RABGEF1: variants seen among roughly 807,000 people sequenced by gnomAD.
RABGEF1 encodes rab5 GDP/GTP exchange factor.
In RABGEF1, 26 loss-of-function variants were observed where a neutral mutation model predicts 57.3. The ratio of observed to expected loss-of-function variants is 0.45; its 90% CI spans 0.33 to 0.63. The LOEUF (loss-of-function observed/expected upper bound fraction) is 0.63. RABGEF1 is among the 20% of genes least tolerant of loss of function. The pLI, the probability that RABGEF1 is intolerant of heterozygous loss-of-function variation, is 0.02. For synonymous variants in RABGEF1, 185 were observed against 210.7 expected (o/e 0.88, Z 1.06); for missense variants, 464 against 607.6 (o/e 0.76, Z 2.48).
At chr7:66,762,111 A>C (rs1804545351) in intron 1 of RABGEF1, among the ~76,000 whole-genome samples, 1 of 152,044 alleles carries the variant, frequency 6.6e-6, no homozygotes, top group Non-Finnish European at 1.5e-5. Context: ...GGGCTATGGT[A>C]GTTACCAGCC....
chr7:66,710,502 C>T (rs1562722892), intron 1 of RABGEF1, among the ~76,000 whole-genome samples: 1 of 152,218 alleles, frequency 6.6e-6, no homozygotes, highest in East Asian at 1.9e-4. Flanking sequence ...CTCCCTCTAG[C>T]ATTGTATGAG....
intron 2 of RABGEF1, among the ~76,000 whole-genome samples, chr7:66,730,473 C>T (rs192800187): frequency 2.6e-5 from 4 of 152,054 alleles, no homozygotes; most frequent in African/African-American, 7.2e-5. Context: ...CTCACTGCAG[C>T]GTCAACCTCC....
chr7:66,779,533 A>G (rs539969107), intron 3 of RABGEF1, among the ~76,000 whole-genome samples: 1 of 151,992 alleles, frequency 6.6e-6, no homozygotes, highest in African/African-American at 2.4e-5. Context: ...TTAAAAAATT[A>G]GCTGGGCTAG....
At chr7:66,660,810 A>G in the RABGEF1 span, among the ~76,000 whole-genome samples, 2 of 152,248 alleles carry the variant, frequency 1.3e-5, no homozygotes, top group Non-Finnish European at 2.9e-5. Flanking sequence ...AGAGGAGGAA[A>G]TACTTTCTAA....
At chr7:66,741,142 C>T (rs970040436) in intron 1 of RABGEF1, among the ~76,000 whole-genome samples, 1 of 152,180 alleles carries the variant, frequency 6.6e-6, no homozygotes, top group Non-Finnish European at 1.5e-5. Context: ...CCGGCTCCCA[C>T]CTTCCGTCCA....
At chr7:66,736,926 A>G (rs546678405), upstream of RABGEF1, among the ~76,000 whole-genome samples, 58 of 152,270 alleles carry the variant, frequency 3.8e-4, no homozygotes, top group African/African-American at 1.4e-3. Flanking sequence ...ACAGACACCT[A>G]CGTATACAGA....
the RABGEF1 span, among the ~76,000 whole-genome samples, chr7:66,676,070 C>T: frequency 6.6e-6 from 1 of 152,108 alleles, no homozygotes; most frequent in African/African-American, 2.4e-5. Context: ...CCTCTAATCC[C>T]AGCACTTTGG....
chr7:66,702,641 A>G (rs1259251611), intron 1 of RABGEF1, among the ~76,000 whole-genome samples: 2 of 152,060 alleles, frequency 1.3e-5, no homozygotes, highest in East Asian at 1.9e-4. Flanking sequence ...AACAAAATTT[A>G]TCTTTCATTT....
Position 66,809,188 on chromosome 7 carries a change from T to A in RABGEF1, c.1380T>A (p.Ile460=). ...QDIVEKYPLE[I]KPPNQPLAAI... is the part of the protein sequence containing the mutation. ...TCGTTGAGAAATACCCACTGGAAAT[T>A]AAGCCTCCGAATCAACCGTTAGCAG... Residue 460 remains isoleucine, a synonymous_variant, in exon 9 of 9, where the codon ATT becomes ATA. Coordinates refer to ENST00000284957, the MANE Select transcript of RABGEF1 (RefSeq NM_014504.3). 1 of 1,614,222 alleles carries A rather than the reference T, an allele frequency of 6.2e-7. No homozygotes were observed. The highest frequency in any genetic ancestry group is 1.6e-4 in the Middle Eastern group (1 of 6,062).
At position 66,809,500 on chromosome 7, in the gene RABGEF1, G is replaced by T; in HGVS notation, c.*216G>T. The T allele has an allele frequency of 2.3e-6, 1 of 441,836 alleles. No individual in the cohort carries two copies. Among genetic ancestry groups the T allele is most frequent in the Non-Finnish European group, 3.8e-6 (1 of 262,408 alleles). The allele number at this position is 441,836 out of a possible 1,614,324, so 27.4% of individuals were successfully genotyped here. A position where few individuals can be genotyped will look rare whatever the true frequency, so the allele number is the denominator to read the frequency against. ...GAGTTACTGATACAGATTCATTTAA[G>T]GCTTGTGTGCAAATTTTGTCTCAAT... On this transcript the variant is annotated 3_prime_UTR_variant, in exon 9 of 9. Coordinates refer to ENST00000284957, the MANE Select transcript of RABGEF1 (RefSeq NM_014504.3).
Position 66,781,690 on chromosome 7 carries a change from C to A in RABGEF1, c.347-1985C>A, listed in dbSNP as rs1241583538. Among the ~76,000 whole-genome samples the A allele has an allele frequency of 3.3e-5, 5 of 152,316 alleles. No individual in the cohort carries two copies. The East Asian group carries it at 7.7e-4, about 24-fold the overall frequency. ...GGTAGTCAGCCACACTCAAGGGAAC[C>A]CTCTGCAGATACCTGCAGCTTTTTC... is the stretch of plus-strand genomic sequence containing the variant. On this transcript the variant is annotated intron_variant, in intron 3 of 8. Transcript: ENST00000284957.
chr7:66,687,472 G>T (rs1442976851), intron 1 of RABGEF1, among the ~76,000 whole-genome samples: 1 of 130,998 alleles, frequency 7.6e-6, no homozygotes, highest in Non-Finnish European at 1.6e-5. Flanking sequence ...GTAAATTTCT[G>T]TTGTTTAAGC....
chr7:66,805,126 T>C lies in RABGEF1; in HGVS notation c.821-14T>C, dbSNP rs747335736. On this transcript the variant is annotated splice_polypyrimidine_tract_variant and intron_variant, in intron 7 of 8. Coordinates refer to ENST00000284957, the MANE Select transcript of RABGEF1 (RefSeq NM_014504.3). Reference sequence around the variant, plus strand: ...TCTTTTCTCCTGGGAAATATTGTCTTTTCTGCTTTGTAGATATCATTGAAA... The same window carrying C: ...TCTTTTCTCCTGGGAAATATTGTCTCTTCTGCTTTGTAGATATCATTGAAA... The C allele has an allele frequency of 1.3e-6, 2 of 1,580,628 alleles. No homozygotes were observed. Among genetic ancestry groups the C allele is most frequent in the Non-Finnish European group, 1.7e-6 (2 of 1,150,078 alleles).
chr7:66,752,790 T>A (rs772888664), intron 1 of RABGEF1, among the ~76,000 whole-genome samples: 1 of 152,196 alleles, frequency 6.6e-6, no homozygotes, highest in Non-Finnish European at 1.5e-5. Context: ...TTGATGTACA[T>A]TCAAGTCTGA....
intron 2 of RABGEF1, among the ~76,000 whole-genome samples, chr7:66,726,681 TTTG>T (rs1796620376): frequency 6.6e-6 from 1 of 152,050 alleles, no homozygotes; most frequent in East Asian, 2.0e-4. Flanking sequence ...AAGCAGAGGT[TTTG>T]TTTTCAGGAT....
At chr7:66,743,060 A>G (rs1215703933) in intron 1 of RABGEF1, among the ~76,000 whole-genome samples, 1 of 152,150 alleles carries the variant, frequency 6.6e-6, no homozygotes, top group South Asian at 2.1e-4. Context: ...CTGTAATCCC[A>G]GCACTTTGGG....
intron 1 of RABGEF1, among the ~76,000 whole-genome samples, chr7:66,688,556 G>C (rs1791056378): frequency 6.6e-6 from 1 of 152,198 alleles, no homozygotes; most frequent in Non-Finnish European, 1.5e-5. Context: ...AGTATCCAAA[G>C]TGCTAAGTAT....
chr7:66,684,260 A>G (rs534587071), intron 1 of RABGEF1, among the ~76,000 whole-genome samples: 23 of 152,250 alleles, frequency 1.5e-4, no homozygotes, highest in Admixed American at 5.2e-4. Flanking sequence ...CCTGACCAAC[A>G]TGGTGAAACC....
intron 1 of RABGEF1, among the ~76,000 whole-genome samples, chr7:66,703,029 A>G (rs1053714015): frequency 6.6e-6 from 1 of 152,164 alleles, no homozygotes; most frequent in Non-Finnish European, 1.5e-5. Flanking sequence ...GCTGGAGGGC[A>G]GTGGTGCTAT....
Sources: gnomAD v4.1 joint callset for allele counts (sites outside exome capture counted in the v4.1 genomes callset) on GRCh38, gnomAD v4.1.1 for gene constraint, MANE v1.5 for transcripts, NCBI Gene and HGNC (gene_info 2026-07-23, HGNC 2026-07-21) for gene names.